Variants in FLRT1 observed in about 807,000 individuals in gnomAD.
The protein encoded by FLRT1 is leucine-rich repeat transmembrane protein FLRT1.
A neutral mutation model predicts 30.9 loss-of-function variants in FLRT1; 14 were observed. The ratio of observed to expected loss-of-function variants is 0.45; its 90% CI spans 0.30 to 0.71. The LOEUF is 0.71. FLRT1 is among the 30% of genes least tolerant of loss of function. FLRT1 has a pLI of 0.08. For synonymous variants in FLRT1, 368 were observed against 430.4 expected (o/e 0.85, Z 1.80); for missense variants, 737 against 949.2 (o/e 0.78, Z 2.94).
chr11:64,108,768 T>C (rs553950586), intron 2 of FLRT1, among the ~76,000 whole-genome samples: 5 of 152,268 alleles, frequency 3.3e-5, no homozygotes, highest in East Asian at 3.9e-4. Context: ...ACATGAATTA[T>C]TGCTGAAGGG....
At chr11:64,066,957 G>A (rs541382904) in intron 1 of FLRT1, among the ~76,000 whole-genome samples, 1 of 152,192 alleles carries the variant, frequency 6.6e-6, no homozygotes, top group African/African-American at 2.4e-5. Context: ...AGTGCGCTAC[G>A]GAGGGTCACA....
chr11:64,084,882 C>T (rs1163675427), intron 1 of FLRT1, among the ~76,000 whole-genome samples: 4 of 152,328 alleles, frequency 2.6e-5, no homozygotes, highest in Admixed American at 2.0e-4. Context: ...GGGAGAGCTG[C>T]GTGTGTGGGG....
In FLRT1 at chr11:64,074,215, C is replaced by A. The variant is rs180745972; in HGVS notation, c.-1037-28979C>A. On this transcript the variant is annotated intron_variant, in intron 1 of 2. Coordinates refer to ENST00000682287, the MANE Select transcript of FLRT1 (RefSeq NM_013280.5). ...CCGAGGCAGAGAGAAAGGAGGGCTTCCCCCAAGGCCCCAGAATGCAGTTCG... is the reference window on the plus strand; with the variant it reads ...CCGAGGCAGAGAGAAAGGAGGGCTTACCCCAAGGCCCCAGAATGCAGTTCG... Among the ~76,000 whole-genome samples, 4 of 152,340 alleles carry A rather than the reference C, an allele frequency of 2.6e-5. No homozygotes were observed. The East Asian group carries it at 7.7e-4, about 29-fold the overall frequency.
chr11:64,105,447 T>A (rs1944744332), intron 2 of FLRT1, among the ~76,000 whole-genome samples: 1 of 152,216 alleles, frequency 6.6e-6, no homozygotes, highest in Non-Finnish European at 1.5e-5. Context: ...GTTGTGAGCA[T>A]GTGACCTTGG....
chr11:64,116,669 G>T lies in FLRT1; in HGVS notation c.402G>T (p.Leu134=). ...NLPRSLRELH[L]QDNNVRTIAR... is the part of the protein sequence containing the mutation. ...CCCGCTCCCTCCGGGAGCTGCACCTGCAGGACAACAATGTGCGCACCATTG... is the reference window on the plus strand; with the variant it reads ...CCCGCTCCCTCCGGGAGCTGCACCTTCAGGACAACAATGTGCGCACCATTG... Residue 134 remains leucine (L), a synonymous_variant, in exon 3 of 3, where the codon CTG becomes CTT. Transcript: ENST00000682287. 2.5e-6 allele frequency: 4 copies of T among 1,613,990 alleles called. No individual in the cohort carries two copies. Among genetic ancestry groups the T allele is most frequent in the Non-Finnish European group, 3.4e-6 (4 of 1,180,018 alleles).
rs922186979 is a variant in FLRT1, at chr11:64,082,690, C to T, written c.-1037-20504C>T. 2.0e-5 allele frequency among the ~76,000 whole-genome samples: 3 copies of T among 152,132 alleles called. No homozygotes were observed. The highest frequency in any genetic ancestry group is 7.2e-5 in the African/African-American group (3 of 41,430). On this transcript the variant is annotated intron_variant, in intron 1 of 2. Transcript: ENST00000682287. The surrounding 1 kb of genome is among the most constrained non-coding windows in gnomAD (Gnocchi z 4.5). ...CAGACCCCTGTCCTGCTCCACCCTGCAGGCCCCTGGGTCTCACACAAGGAA... is the reference window on the plus strand; with the variant it reads ...CAGACCCCTGTCCTGCTCCACCCTGTAGGCCCCTGGGTCTCACACAAGGAA...
At chr11:64,088,521 C>A (rs1944434885) in intron 1 of FLRT1, among the ~76,000 whole-genome samples, 1 of 152,214 alleles carries the variant, frequency 6.6e-6, no homozygotes, top group Non-Finnish European at 1.5e-5. Flanking sequence ...ACGGCAGAGG[C>A]TGACTCTCCT....
At chr11:64,095,003 G>A (rs767120092) in intron 1 of FLRT1, among the ~76,000 whole-genome samples, 4 of 152,298 alleles carry the variant, frequency 2.6e-5, no homozygotes, top group East Asian at 1.9e-4. Flanking sequence ...AAAGAGCCTC[G>A]TTATTAACAA....
intron 1 of FLRT1, among the ~76,000 whole-genome samples, chr11:64,053,858 G>A (rs1362272671): frequency 6.6e-6 from 1 of 152,182 alleles, no homozygotes; most frequent in African/African-American, 2.4e-5. Flanking sequence ...ATGGGAGTTA[G>A]GGGCAGGGCT....
intron 1 of FLRT1, among the ~76,000 whole-genome samples, chr11:64,092,633 C>T (rs1944510005): frequency 6.6e-6 from 1 of 152,250 alleles, no homozygotes; most frequent in African/African-American, 2.4e-5. Flanking sequence ...GCTGCAGGCA[C>T]GTGTGCCACT....
intron 1 of FLRT1, among the ~76,000 whole-genome samples, chr11:64,080,623 TTA>T (rs1294760444): frequency 6.6e-6 from 1 of 152,190 alleles, no homozygotes; most frequent in Non-Finnish European, 1.5e-5. Flanking sequence ...AGGGTTACGT[TTA>T]TGATACAGTT....
chr11:64,060,463 CG>C (rs1456130469), intron 1 of FLRT1: 1 of 152,204 alleles, frequency 6.6e-6, no homozygotes, highest in African/African-American at 2.4e-5. Context: ...GGGCCCCTGT[CG>C]GGGCTGCCCG....
chr11:64,092,131 G>A lies in FLRT1; in HGVS notation c.-1037-11063G>A, dbSNP rs377460821. ...CCTTCCTGGCCTCCAAGCTTGGCCCGTGTTAGGGTCGCCGTGGCATCCCGA... is the reference window on the plus strand; with the variant it reads ...CCTTCCTGGCCTCCAAGCTTGGCCCATGTTAGGGTCGCCGTGGCATCCCGA... On this transcript the variant is annotated intron_variant, in intron 1 of 2. Transcript: ENST00000682287. Among the ~76,000 whole-genome samples the A allele has an allele frequency of 1.4e-3, 208 of 152,324 alleles. 4 individuals are homozygous for A. The South Asian group carries it at 0.041, about 30-fold the overall frequency.
intron 1 of FLRT1, among the ~76,000 whole-genome samples, chr11:64,077,866 C>T (rs1944232435): frequency 6.6e-6 from 1 of 152,224 alleles, no homozygotes; most frequent in South Asian, 2.1e-4. Context: ...AGCCCAGGGC[C>T]CCCTGATTGG....
chr11:64,069,516 A>G (rs1944066721), intron 1 of FLRT1, among the ~76,000 whole-genome samples: 2 of 152,194 alleles, frequency 1.3e-5, no homozygotes, highest in African/African-American at 4.8e-5. Context: ...AAGGGCAAGC[A>G]CAGCCACAGG....
At chr11:64,060,023 C>T (rs1181840129) in intron 1 of FLRT1, among the ~76,000 whole-genome samples, 4 of 152,220 alleles carry the variant, frequency 2.6e-5, no homozygotes, top group Admixed American at 2.6e-4. Context: ...GCCCCCCTCC[C>T]ACACGGCAGG....
chr11:64,057,833 C>A lies in FLRT1; in HGVS notation c.-1038+21674C>A, dbSNP rs144819877. On this transcript the variant is annotated intron_variant, in intron 1 of 2. Coordinates refer to ENST00000682287, the MANE Select transcript of FLRT1 (RefSeq NM_013280.5). ...TTCGCGGGTCCAGCAGGCAGCAGCA[C>A]CCCTTTCCACTTTACAGTTGTGGAA... Among the ~76,000 whole-genome samples, 379 of 152,352 alleles carry A rather than the reference C, an allele frequency of 2.5e-3. 5 individuals are homozygous for A. The highest frequency in any genetic ancestry group is 8.7e-3 in the African/African-American group (360 of 41,580).
In FLRT1 at chr11:64,117,142, A is replaced by G; in HGVS notation, c.875A>G (p.Lys292Arg). 6.2e-7 allele frequency: 1 copy of G among 1,613,638 alleles called. No homozygotes were observed. Among genetic ancestry groups the G allele is most frequent in the African/African-American group, 1.3e-5 (1 of 75,056 alleles). The stretch of plus-strand genomic sequence containing the variant: ...CACATCCCCTACAACACGCTGGCCA[A>G]GATGCGTGAGCTGGAGCGGCTGGAC... The part of the protein sequence containing the change: ...ISHIPYNTLA[K>R]MRELERLDLS... The change falls in exon 3 of 3, where the codon AAG (lysine) becomes AGG (arginine). Residue 292 changes from lysine to arginine, a missense_variant. Lys to Arg is a conservative substitution (Grantham distance 26). Transcript: ENST00000682287.
At chr11:64,062,868 C>G (rs1287377452) in intron 1 of FLRT1, among the ~76,000 whole-genome samples, 1 of 152,224 alleles carries the variant, frequency 6.6e-6, no homozygotes, top group East Asian at 1.9e-4. Flanking sequence ...CCGGCCCCGC[C>G]TCCTAGGCCA....
Sources: gnomAD v4.1 joint callset for allele counts (sites outside exome capture counted in the v4.1 genomes callset) on GRCh38, gnomAD v4.1.1 for gene constraint, Gnocchi (gnomAD v3.1) non-coding constraint, MANE v1.5 for transcripts, NCBI Gene and HGNC (gene_info 2026-07-23, HGNC 2026-07-21) for gene names.